CFAP54: variants seen among roughly 807,000 people sequenced by gnomAD.
The protein encoded by CFAP54 is cilia and flagella associated protein 54, also known as cilia- and flagella-associated protein 54.
In CFAP54, 290 loss-of-function variants were observed where a neutral mutation model predicts 370.4. The observed-to-expected ratio is 0.78, with a 90% confidence interval of 0.71 to 0.86. The LOEUF (loss-of-function observed/expected upper bound fraction) is 0.86, where lower values mean the gene tolerates loss of function less well. Among genes scored for constraint, CFAP54 ranks in the 40% least tolerant of loss-of-function variants. The pLI, the probability that CFAP54 is intolerant of heterozygous loss-of-function variation, is 0.00. For synonymous variants in CFAP54, 1,206 were observed against 1,236.5 expected, an observed-to-expected ratio of 0.98 and a Z score of 0.52; for missense variants, 3,399 against 3,528.7, an observed-to-expected ratio of 0.96 and a Z score of 0.93.
intron 56 of CFAP54, among the ~76,000 whole-genome samples, chr12:96,754,626 A>C (rs1414140553): frequency 1.3e-5 from 2 of 152,184 alleles, no homozygotes; most frequent in Admixed American, 1.3e-4. Flanking sequence ...ATGTGAGCTC[A>C]ACACTGGCCA....
intron 67 of CFAP54, among the ~76,000 whole-genome samples, chr12:96,865,587 T>C (rs1959981095): frequency 6.6e-6 from 1 of 152,094 alleles, no homozygotes; most frequent in Admixed American, 6.5e-5. Context: ...GGAGGTTTCA[T>C]TTGTCTTTGT....
chr12:96,615,848 A>C (rs1466922357), intron 26 of CFAP54, among the ~76,000 whole-genome samples: 1 of 152,236 alleles, frequency 6.6e-6, no homozygotes, highest in Non-Finnish European at 1.5e-5. Flanking sequence ...GTGATCATTA[A>C]AAAGTCAGGA....
chr12:96,770,612 C>T (rs558239234), intron 60 of CFAP54, among the ~76,000 whole-genome samples: 1 of 152,230 alleles, frequency 6.6e-6, no homozygotes, highest in Non-Finnish European at 1.5e-5. Context: ...CTTAGCAGGG[C>T]CCAGGCCATC....
chr12:96,644,484 A>T, intron 33 of CFAP54, 76 bp downstream of exon 33: 1 of 1,052,868 alleles, frequency 9.5e-7, no homozygotes, highest in Non-Finnish European at 1.4e-6. Flanking sequence ...CAGAGCTCCA[A>T]TGGTGCTAAC....
intron 9 of CFAP54, among the ~76,000 whole-genome samples, chr12:96,530,238 C>T (rs896696815): frequency 2.8e-4 from 42 of 152,168 alleles, no homozygotes; most frequent in African/African-American, 9.2e-4. Context: ...GCCTGTAACC[C>T]CAGCCCTTTG....
chr12:96,609,487 A>G (rs940378397), intron 26 of CFAP54, among the ~76,000 whole-genome samples: 3 of 152,196 alleles, frequency 2.0e-5, no homozygotes, highest in East Asian at 1.9e-4. Flanking sequence ...ATCATACTGA[A>G]TGGCAATTTT....
chr12:96,867,779 A>C (rs1240869723), intron 67 of CFAP54, among the ~76,000 whole-genome samples: 4 of 152,126 alleles, frequency 2.6e-5, no homozygotes, highest in Non-Finnish European at 5.9e-5. Context: ...GTTGGTCAAA[A>C]ATACAAAATT....
At chr12:96,707,617 C>T (rs538621715) in intron 47 of CFAP54, among the ~76,000 whole-genome samples, 1 of 151,894 alleles carries the variant, frequency 6.6e-6, no homozygotes, top group Non-Finnish European at 1.5e-5. Context: ...GGCTGTGTGC[C>T]GATAGGAATG....
Position 96,489,667 on chromosome 12 carries a change from T to C in CFAP54, c.58T>C (p.Ser20Pro). Reference sequence around the variant, plus strand: ...GTCAGACGACTCTACCACCTCGGGGTCTCTGCCAGAACTGCCGCCGACCTC... The same window carrying C: ...GTCAGACGACTCTACCACCTCGGGGCCTCTGCCAGAACTGCCGCCGACCTC... Reference protein sequence around the residue: ...SPSDDSTTSGSLPELPPTSTA... With the variant: ...SPSDDSTTSGPLPELPPTSTA... The change falls in exon 1 of 68, where the codon TCT becomes CCT. Residue 20 changes from serine to proline, a missense_variant. By Grantham distance (74) the Ser-to-Pro change is moderately conservative. Coordinates refer to ENST00000524981, the MANE Select transcript of CFAP54 (RefSeq NM_001306084.2). The C allele has an allele frequency of 6.5e-7, 1 of 1,534,934 alleles. No homozygotes were observed. The highest frequency in any genetic ancestry group is 1.4e-5 in the African/African-American group (1 of 72,988).
At chr12:96,594,815 C>T (rs983402920) in intron 25 of CFAP54, among the ~76,000 whole-genome samples, 1 of 151,858 alleles carries the variant, frequency 6.6e-6, no homozygotes, top group Non-Finnish European at 1.5e-5. Flanking sequence ...GTGGGAGACC[C>T]AAGACAAAAT....
chr12:96,637,539 A>T (rs1215374941), intron 32 of CFAP54, among the ~76,000 whole-genome samples: 1 of 152,220 alleles, frequency 6.6e-6, no homozygotes, highest in Non-Finnish European at 1.5e-5. Context: ...GAAGTGCTAC[A>T]GTTAGCTAAC....
chr12:96,786,703 T>C lies in CFAP54; in HGVS notation c.8484T>C (p.Ser2828=), dbSNP rs1958633130. Residue 2828 remains serine (S), a synonymous_variant, in exon 62 of 68, where the codon TCT becomes TCC. Coordinates refer to ENST00000524981, the MANE Select transcript of CFAP54 (RefSeq NM_001306084.2). ...CTGCAACACCAGTATCTGGAATTTC[T>C]TTGCCAGATGATACACTTCTCACAT... ...LASATPVSGI[S]LPDDTLLTSL... The C allele has an allele frequency of 3.3e-6, 5 of 1,533,798 alleles. No homozygotes were observed. In the African/African-American group the frequency reaches 6.8e-5, roughly 21 times the overall value.
intron 9 of CFAP54, among the ~76,000 whole-genome samples, chr12:96,530,536 T>C (rs1488347776): frequency 6.6e-6 from 1 of 152,220 alleles, no homozygotes. Context: ...AGTATTATTT[T>C]ATGGTATGGA....
intron 27 of CFAP54, 40 bp downstream of exon 27, chr12:96,621,761 T>G: frequency 6.8e-7 from 1 of 1,477,754 alleles, no homozygotes; most frequent in Non-Finnish European, 9.0e-7. Flanking sequence ...CTACGTTTAG[T>G]TTGCATCTTT....
chr12:96,802,074 T>G (rs1958825253), intron 63 of CFAP54, among the ~76,000 whole-genome samples: 1 of 152,038 alleles, frequency 6.6e-6, no homozygotes, highest in African/African-American at 2.4e-5. Context: ...TTTGAGAGTT[T>G]AACGCTGGGC....
At chr12:96,663,953 G>A (rs1363665618) in intron 39 of CFAP54, 21 bp downstream of exon 39, 6 of 1,554,784 alleles carry the variant, frequency 3.9e-6, no homozygotes, top group Non-Finnish European at 4.4e-6. Flanking sequence ...ATCTTAGCTT[G>A]AATGTTTGTT....
chr12:96,700,167 C>T, intron 46 of CFAP54, 74 bp downstream of exon 46: 1 of 1,438,218 alleles, frequency 7.0e-7, no homozygotes, highest in South Asian at 1.3e-5. Flanking sequence ...AGGAACATTC[C>T]CACGAAAGTG....
At chr12:96,518,019 G>T (rs1955258561) in intron 5 of CFAP54, among the ~76,000 whole-genome samples, 1 of 152,208 alleles carries the variant, frequency 6.6e-6, no homozygotes, top group South Asian at 2.1e-4. Flanking sequence ...TTTTATTTTA[G>T]ATTATGGAAG....
chr12:96,555,049 A>G, intron 17 of CFAP54: 1 of 278,556 alleles, frequency 3.6e-6, no homozygotes, highest in Non-Finnish European at 6.6e-6. Flanking sequence ...GTGTTATAGT[A>G]AATTATTTTT....
Sources: gnomAD v4.1 joint callset for allele counts (sites outside exome capture counted in the v4.1 genomes callset) on GRCh38, gnomAD v4.1.1 for gene constraint, MANE v1.5 for transcripts, NCBI Gene and HGNC (gene_info 2026-07-23, HGNC 2026-07-21) for gene names.